Variants in C1orf21 observed in about 807,000 individuals in gnomAD.
The protein encoded by C1orf21 is chromosome 1 open reading frame 21, also known as uncharacterized protein C1orf21.
A neutral mutation model predicts 18.7 loss-of-function variants in C1orf21; 3 were observed. The observed-to-expected ratio is 0.16, with a 90% CI of 0.07 to 0.42. C1orf21 has a LOEUF of 0.42. Ranked by LOEUF, C1orf21 falls within the 10% of genes least tolerant of loss-of-function variation. C1orf21 has a pLI of 0.99. For missense variants in C1orf21, 104 were observed against 143.6 expected, an observed-to-expected ratio of 0.72 and a Z score of 1.41; for synonymous variants, 41 against 46.4, an observed-to-expected ratio of 0.88 and a Z score of 0.47.
At chr1:184,560,009 C>T (rs577415475) in intron 3 of C1orf21, among the ~76,000 whole-genome samples, 3 of 152,106 alleles carry the variant, frequency 2.0e-5, no homozygotes, top group Non-Finnish European at 4.4e-5. Flanking sequence ...GCCTTGACCT[C>T]CCAAAGTGCT....
intron 5 of C1orf21, among the ~76,000 whole-genome samples, chr1:184,613,569 G>A (rs1452860150): frequency 1.3e-5 from 2 of 152,140 alleles, no homozygotes; most frequent in Non-Finnish European, 2.9e-5. Flanking sequence ...CCATTATGAT[G>A]TGCAAAACGT....
chr1:184,497,288 A>G (rs1657907184), intron 2 of C1orf21, among the ~76,000 whole-genome samples: 3 of 152,198 alleles, frequency 2.0e-5, no homozygotes, highest in Admixed American at 2.0e-4. Flanking sequence ...TCACCCAGAC[A>G]TTATTCCTAA....
At chr1:184,556,556 A>G (rs186359701) in intron 3 of C1orf21, among the ~76,000 whole-genome samples, 128 of 152,324 alleles carry the variant, frequency 8.4e-4, no homozygotes, top group African/African-American at 3.0e-3. Flanking sequence ...CTTGGCCACC[A>G]TTGTGACCAC....
chr1:184,477,683 A>C (rs1239246250), intron 2 of C1orf21, 80 bp downstream of exon 2: 6 of 1,122,348 alleles, frequency 5.3e-6, no homozygotes. Flanking sequence ...ATATTTGTAC[A>C]TATTTATGGG....
In C1orf21 at chr1:184,410,617, TTATATATATATATATA is replaced by T. The variant is rs1162356586; in HGVS notation, c.-125+23281_-125+23296del. ...GTGAAAGATTAATTTGCCATATATA[TTATATATATATATATA>T]TATATATATATATATATATATATAT... On this transcript the variant is annotated intron_variant, in intron 1 of 5. Transcript: ENST00000235307. Among the ~76,000 whole-genome samples, 22 of 21,162 alleles carry T rather than the reference TTATATATATATATATA, an allele frequency of 1.0e-3. 2 individuals carry two copies. The highest frequency in any genetic ancestry group is 5.1e-3 in the African/African-American group (10 of 1,952). The allele number at this position is 21,162 out of a possible 152,430, so 13.9% of individuals were successfully genotyped here. A position where few individuals can be genotyped will look rare whatever the true frequency, so the allele number is the denominator to read the frequency against.
chr1:184,500,936 C>T (rs745467757), intron 2 of C1orf21, among the ~76,000 whole-genome samples: 19 of 152,210 alleles, frequency 1.2e-4, no homozygotes, highest in Non-Finnish European at 2.4e-4. Flanking sequence ...CCTCTTGAGA[C>T]TTGCTGTGAC....
Position 184,500,905 on chromosome 1 carries a change from C to A in C1orf21, c.95-6683C>A, listed in dbSNP as rs547490879. Reference sequence around the variant, plus strand: ...ATCTTAAGCCTCATACCCCCAGCCCCCCGGCAGCTGACCCTTCTTCCCTCT... The same window carrying A: ...ATCTTAAGCCTCATACCCCCAGCCCACCGGCAGCTGACCCTTCTTCCCTCT... On this transcript the variant is annotated intron_variant, in intron 2 of 5. Transcript: ENST00000235307. 8.5e-5 allele frequency among the ~76,000 whole-genome samples: 13 copies of A among 152,268 alleles called. No homozygotes were observed. The South Asian group carries it at 2.7e-3, about 32-fold the overall frequency.
intron 3 of C1orf21, among the ~76,000 whole-genome samples, chr1:184,558,206 C>G (rs149109935): frequency 1.3e-5 from 2 of 152,242 alleles, no homozygotes; most frequent in African/African-American, 4.8e-5. Flanking sequence ...TTTCTGTTTC[C>G]CTTTCCTACC....
intron 2 of C1orf21, among the ~76,000 whole-genome samples, chr1:184,482,673 C>T (rs1285529013): frequency 2.6e-5 from 4 of 152,152 alleles, no homozygotes; most frequent in Non-Finnish European, 5.9e-5. Flanking sequence ...GAAGATGTGA[C>T]AAAGTCTGTG....
At chr1:184,610,921 C>T (rs1659726750) in intron 5 of C1orf21, among the ~76,000 whole-genome samples, 1 of 151,318 alleles carries the variant, frequency 6.6e-6, no homozygotes, top group South Asian at 2.1e-4. Context: ...ATAATAAACA[C>T]TTCATGGGGG....
At chr1:184,557,006 A>G (rs1250236309) in intron 3 of C1orf21, among the ~76,000 whole-genome samples, 1 of 152,158 alleles carries the variant, frequency 6.6e-6, no homozygotes, top group African/African-American at 2.4e-5. Flanking sequence ...CTTGCTCCAA[A>G]CAATATGTAG....
intron 1 of C1orf21, among the ~76,000 whole-genome samples, chr1:184,458,818 A>T (rs150403371): frequency 2.6e-5 from 4 of 152,364 alleles, no homozygotes; most frequent in Non-Finnish European, 4.4e-5. Context: ...CAAAATGGTG[A>T]AGGTAAAACT....
chr1:184,393,779 C>T (rs775312503), intron 1 of C1orf21, among the ~76,000 whole-genome samples: 7 of 152,176 alleles, frequency 4.6e-5, no homozygotes, highest in East Asian at 1.9e-4. Context: ...ACACCAAATT[C>T]GGCTTGCTAA....
At chr1:184,568,869 G>T (rs932627698) in intron 3 of C1orf21, among the ~76,000 whole-genome samples, 4 of 152,332 alleles carry the variant, frequency 2.6e-5, no homozygotes, top group Non-Finnish European at 4.4e-5. Context: ...TAATGTTACT[G>T]AACCGTGTAG....
chr1:184,504,510 A>G (rs187829663), intron 2 of C1orf21, among the ~76,000 whole-genome samples: 3 of 152,340 alleles, frequency 2.0e-5, no homozygotes, highest in Non-Finnish European at 4.4e-5. Context: ...TGCTTCATTC[A>G]TTCGCTCAGA....
At chr1:184,503,114 CA>C (rs1658003398) in intron 2 of C1orf21, among the ~76,000 whole-genome samples, 1 of 144,578 alleles carries the variant, frequency 6.9e-6, no homozygotes, top group Non-Finnish European at 1.5e-5. Flanking sequence ...ATGTATCAAG[CA>C]ATCTTATTTT....
intron 3 of C1orf21, among the ~76,000 whole-genome samples, chr1:184,519,460 T>G (rs949827429): frequency 6.6e-6 from 1 of 152,220 alleles, no homozygotes; most frequent in African/African-American, 2.4e-5. Context: ...CATGGTCATT[T>G]TAGATAGTGG....
chr1:184,468,207 C>T (rs1265808789), intron 1 of C1orf21, among the ~76,000 whole-genome samples: 2 of 152,196 alleles, frequency 1.3e-5, no homozygotes, highest in South Asian at 2.1e-4. Context: ...CAGGGCTTTC[C>T]TCTAGAGATG....
At chr1:184,589,632 A>G (rs1358009651) in intron 3 of C1orf21, among the ~76,000 whole-genome samples, 3 of 152,266 alleles carry the variant, frequency 2.0e-5, no homozygotes, top group Non-Finnish European at 4.4e-5. Context: ...ATAGACTGCA[A>G]GAAACTTATG....
Sources: gnomAD v4.1 joint callset for allele counts (sites outside exome capture counted in the v4.1 genomes callset) on GRCh38, gnomAD v4.1.1 for gene constraint, MANE v1.5 for transcripts, NCBI Gene and HGNC (gene_info 2026-07-23, HGNC 2026-07-21) for gene names.